The following PHACTR1 variants were observed in gnomAD, a reference collection of about 807,000 sequenced individuals.
The protein encoded by PHACTR1 is RPEL repeat containing 1.
Under a neutral mutation model 69.2 loss-of-function variants are expected in PHACTR1, and 16 were observed. The observed-to-expected ratio is 0.23, with a 90% confidence interval of 0.16 to 0.35. The LOEUF is 0.35. Among genes scored for constraint, PHACTR1 ranks in the 10% least tolerant of loss-of-function variants. PHACTR1 has a pLI of 1.00. For synonymous variants in PHACTR1, 312 were observed against 284.5 expected (o/e 1.10, Z -0.97); for missense variants, 510 against 734.7 (o/e 0.69, Z 3.54).
chr6:12,769,803 T>C (rs9463091), intron 4 of PHACTR1, among the ~76,000 whole-genome samples: 10,658 of 152,262 alleles, frequency 0.07, 465 homozygotes, highest in Admixed American at 0.1. Flanking sequence ...TGTTTTTGCA[T>C]TGCTTCTCCT....
intron 13 of PHACTR1, among the ~76,000 whole-genome samples, chr6:13,284,517 C>CAAAAAAAAAAAAAAAAAAA (rs58847683): frequency 2.5e-5 from 1 of 40,020 alleles, no homozygotes; most frequent in African/African-American, 1.7e-4. Flanking sequence ...AACTCCATCT[C>CAAAAAAAAAAAAAAAAAAA]AAAAAAAAAA....
chr6:12,749,837 C>A, intron 4 of PHACTR1, 47 bp downstream of exon 4: 1 of 1,467,028 alleles, frequency 6.8e-7, no homozygotes, highest in East Asian at 2.5e-5. Context: ...CCTGCTCCCT[C>A]CCTCCCCGGC....
At chr6:12,903,753 A>G (rs1275670697) in intron 4 of PHACTR1, among the ~76,000 whole-genome samples, 2 of 152,210 alleles carry the variant, frequency 1.3e-5, no homozygotes, top group African/African-American at 4.8e-5. Flanking sequence ...CCATAGTTAT[A>G]TTTTCCACGA....
intron 4 of PHACTR1, among the ~76,000 whole-genome samples, chr6:12,757,052 T>G (rs894518209): frequency 6.6e-6 from 1 of 152,196 alleles, no homozygotes; most frequent in African/African-American, 2.4e-5. Context: ...TAAATTGTAT[T>G]GTATGTTATA....
chr6:13,136,879 C>T (rs1188228397), intron 5 of PHACTR1, among the ~76,000 whole-genome samples: 1 of 152,112 alleles, frequency 6.6e-6, no homozygotes, highest in Non-Finnish European at 1.5e-5. Context: ...TTTGTGGCAC[C>T]TCAAAACGAT....
chr6:13,004,592 T>C (rs1487538022), intron 4 of PHACTR1, among the ~76,000 whole-genome samples: 1 of 152,248 alleles, frequency 6.6e-6, no homozygotes, highest in Non-Finnish European at 1.5e-5. Context: ...GTGCAGAACA[T>C]GCAGGTTTGT....
In PHACTR1 at chr6:13,283,463, G is replaced by A; in HGVS notation, c.1551G>A (p.Lys517=). Reference sequence around the variant, plus strand: ...CGGTGGAAGAGCTTCGGGAAAGAAAGATCCTCATCCGCTTCAGTGACTACG... The same window carrying A: ...CGGTGGAAGAGCTTCGGGAAAGAAAAATCCTCATCCGCTTCAGTGACTACG... ...RPTVEELRER[K]ILIRFSDYVE... Residue 517 remains lysine, a synonymous_variant, in exon 13 of 15, where the codon AAG becomes AAA. Coordinates refer to ENST00000332995, the MANE Select transcript of PHACTR1 (RefSeq NM_030948.6). This position sits in a 1 kb window ranked among gnomAD's most constrained non-coding sequence, Gnocchi z 4.7. 2 of 1,613,884 alleles carry A rather than the reference G, an allele frequency of 1.2e-6. No individual in the cohort carries two copies. Among genetic ancestry groups the A allele is most frequent in the East Asian group, 4.5e-5 (2 of 44,884 alleles).
chr6:13,180,178 C>CA (rs1444236236), intron 6 of PHACTR1, among the ~76,000 whole-genome samples: 1 of 152,098 alleles, frequency 6.6e-6, no homozygotes, highest in Admixed American at 6.6e-5. Flanking sequence ...AAAACATGTT[C>CA]AAAAAGAGGA....
intron 4 of PHACTR1, among the ~76,000 whole-genome samples, chr6:12,838,729 A>T (rs1451744276): frequency 6.6e-6 from 1 of 152,190 alleles, no homozygotes; most frequent in African/African-American, 2.4e-5. Flanking sequence ...AATTTCATTC[A>T]ATAGCCTCAA....
chr6:13,171,835 C>T (rs9381796), intron 6 of PHACTR1, among the ~76,000 whole-genome samples: 87,039 of 151,964 alleles, frequency 0.57, 25,468 homozygotes, highest in Non-Finnish European at 0.63. Context: ...GGCGCAATCT[C>T]GGCTCACTGC....
intron 6 of PHACTR1, among the ~76,000 whole-genome samples, 191 bp downstream of exon 6, chr6:13,160,475 G>A (rs1416208640): frequency 2.6e-5 from 4 of 152,174 alleles, no homozygotes; most frequent in Admixed American, 6.5e-5. Context: ...CATATGAGAC[G>A]AAGGAAATAA....
intron 4 of PHACTR1, among the ~76,000 whole-genome samples, chr6:12,965,451 CTTT>C (rs55640152): frequency 3.0e-5 from 4 of 131,962 alleles, no homozygotes; most frequent in Non-Finnish European, 4.7e-5. Context: ...TATTTTGTGC[CTTT>C]TTTTTTTTTT....
rs1007795647 is a variant in PHACTR1 at position 13,287,225 on chromosome 6, A to G, written c.*147A>G. The G allele has an allele frequency of 7.9e-6, 7 of 884,160 alleles. No homozygotes were observed. Among genetic ancestry groups the G allele is most frequent in the East Asian group, 2.8e-5 (1 of 35,354 alleles). The allele number at this position is 884,160 out of a possible 1,614,324, so 54.8% of individuals were successfully genotyped here. A position where few individuals can be genotyped will look rare whatever the true frequency, so the allele number is the denominator to read the frequency against. Reference sequence around the variant, plus strand: ...AAAGAAGAAAAATCAAGGAAACACAATCAGGATTTTATGTGTGAAAACGCA... The same window carrying G: ...AAAGAAGAAAAATCAAGGAAACACAGTCAGGATTTTATGTGTGAAAACGCA... On this transcript the variant is annotated 3_prime_UTR_variant, in exon 15 of 15. Coordinates refer to ENST00000332995, the MANE Select transcript of PHACTR1 (RefSeq NM_030948.6).
chr6:12,966,574 A>G (rs1405633515), intron 4 of PHACTR1, among the ~76,000 whole-genome samples: 1 of 152,110 alleles, frequency 6.6e-6, no homozygotes, highest in Admixed American at 6.5e-5. Context: ...TTTTTCCAAC[A>G]TTCTCCTTAC....
intron 4 of PHACTR1, chr6:12,957,828 G>A (rs1355620174): frequency 8.1e-6 from 8 of 985,576 alleles, no homozygotes; most frequent in Non-Finnish European, 9.6e-6. Flanking sequence ...GCTGGTCAGC[G>A]GCCAGGGAAT....
At chr6:13,157,216 T>G (rs918414251) in intron 5 of PHACTR1, among the ~76,000 whole-genome samples, 4 of 152,150 alleles carry the variant, frequency 2.6e-5, no homozygotes, top group African/African-American at 7.2e-5. Flanking sequence ...AGCATTTCCC[T>G]TGGCCCCTAC....
chr6:13,265,927 T>C (rs1027999843), intron 10 of PHACTR1, among the ~76,000 whole-genome samples: 3 of 152,138 alleles, frequency 2.0e-5, no homozygotes, highest in African/African-American at 7.2e-5. Context: ...ATTGTCTATA[T>C]TGCAGACTAG....
At chr6:12,947,057 C>T (rs1370397901) in intron 4 of PHACTR1, among the ~76,000 whole-genome samples, 3 of 151,708 alleles carry the variant, frequency 2.0e-5, no homozygotes, top group South Asian at 4.2e-4. Context: ...GTGATCCACC[C>T]GCCTCGGCCT....
At chr6:13,026,169 A>G (rs1224798901) in intron 4 of PHACTR1, among the ~76,000 whole-genome samples, 3 of 152,212 alleles carry the variant, frequency 2.0e-5, no homozygotes, top group African/African-American at 4.8e-5. Context: ...AATTTCCACC[A>G]TGATTTTAGA....
Sources: gnomAD v4.1 joint callset for allele counts (sites outside exome capture counted in the v4.1 genomes callset) on GRCh38, gnomAD v4.1.1 for gene constraint, Gnocchi (gnomAD v3.1) non-coding constraint, MANE v1.5 for transcripts, NCBI Gene and HGNC (gene_info 2026-07-23, HGNC 2026-07-21) for gene names.